Variants in SETD3 observed in about 807,000 individuals in gnomAD.
SETD3 encodes SET domain containing 3, actin N3(tau)-histidine methyltransferase.
In SETD3, 19 loss-of-function variants were observed where a neutral mutation model predicts 63.0. That is an observed-to-expected ratio of 0.30 (90% CI 0.21 to 0.44). SETD3 has a LOEUF of 0.44. Ranked by LOEUF, SETD3 falls within the 20% of genes least tolerant of loss-of-function variation. The pLI is 1.00. For synonymous variants in SETD3, 286 were observed against 264.1 expected (o/e 1.08, Z -0.80); for missense variants, 587 against 728.5 (o/e 0.81, Z 2.24).
intron 5 of SETD3, 107 bp downstream of exon 5, chr14:99,459,006 T>C (rs939357795): frequency 1.1e-5 from 8 of 715,910 alleles, no homozygotes; most frequent in Non-Finnish European, 1.6e-5. Context: ...TGAGGGAATA[T>C]TTCGCCAGTC....
At chr14:99,442,211 T>C (rs929624766) in intron 6 of SETD3, among the ~76,000 whole-genome samples, 1 of 152,198 alleles carries the variant, frequency 6.6e-6, no homozygotes. Flanking sequence ...AAAGTAATCA[T>C]ACCTTCTCAT....
At position 99,398,753 on chromosome 14, in the gene SETD3, T is replaced by C. The variant is rs773674335; in HGVS notation, c.1711A>G (p.Asn571Asp). The C allele has an allele frequency of 6.8e-6, 11 of 1,614,114 alleles. No individual in the cohort carries two copies. The highest frequency in any genetic ancestry group is 1.1e-5 in the South Asian group (1 of 91,090). The change falls in exon 13 of 13, where the codon AAT (asparagine) becomes GAT (aspartate). Residue 571 changes from asparagine (N) to aspartate (D), a missense_variant. Asn to Asp is a conservative substitution (Grantham distance 23). Coordinates refer to ENST00000331768, the MANE Select transcript of SETD3 (RefSeq NM_032233.3). The part of the protein sequence containing the change: ...NGTRSENESL[N>D]QESKRAVEDA... ...TCAACTGCTCTTTTACTTTCTTGAT[T>C]GAGACTTTCATTTTCGGACCTGGTC...
At chr14:99,481,290 G>C (rs950960156), upstream of SETD3, 120 of 395,014 alleles carry the variant, frequency 3.0e-4, no homozygotes, top group Non-Finnish European at 4.6e-4. Flanking sequence ...GGAGAGCGGC[G>C]GCTCGTTCCT....
chr14:99,439,608 A>G (rs1893675706), intron 6 of SETD3, among the ~76,000 whole-genome samples: 2 of 148,086 alleles, frequency 1.4e-5, no homozygotes, highest in South Asian at 4.2e-4. Flanking sequence ...ATATCTATGT[A>G]TTAAATATAT....
intron 6 of SETD3, among the ~76,000 whole-genome samples, chr14:99,423,128 T>A (rs1196311457): frequency 6.6e-6 from 1 of 152,202 alleles, no homozygotes; most frequent in Non-Finnish European, 1.5e-5. Context: ...AAATTACTGT[T>A]CTCACCTACA....
At chr14:99,431,525 CTT>C (rs1893179433) in intron 6 of SETD3, among the ~76,000 whole-genome samples, 4 of 151,636 alleles carry the variant, frequency 2.6e-5, no homozygotes, top group Non-Finnish European at 5.9e-5. Flanking sequence ...GAGTTTTGCT[CTT>C]GTTGCCCAGG....
chr14:99,425,323 G>A (rs1892822091), intron 6 of SETD3, among the ~76,000 whole-genome samples: 1 of 152,230 alleles, frequency 6.6e-6, no homozygotes, highest in Non-Finnish European at 1.5e-5. Flanking sequence ...CTCTCCTAGA[G>A]TAGGAGCCAC....
chr14:99,431,031 G>A, intron 6 of SETD3, among the ~76,000 whole-genome samples: 1 of 152,138 alleles, frequency 6.6e-6, no homozygotes, highest in East Asian at 1.9e-4. Flanking sequence ...ACCACACAGT[G>A]GCCATCACTC....
intron 6 of SETD3, among the ~76,000 whole-genome samples, chr14:99,445,671 C>T (rs1343610686): frequency 4.6e-5 from 7 of 152,168 alleles, no homozygotes; most frequent in African/African-American, 1.2e-4. Context: ...AATATATCAA[C>T]GAATGTGAGT....
chr14:99,466,108 C>T (rs1895357876), intron 1 of SETD3, among the ~76,000 whole-genome samples: 2 of 152,024 alleles, frequency 1.3e-5, no homozygotes, highest in Admixed American at 6.5e-5. Flanking sequence ...ATAGATTTCA[C>T]TGTGCAGACT....
At chr14:99,450,815 A>G (rs1420998983) in intron 6 of SETD3, among the ~76,000 whole-genome samples, 3 of 152,232 alleles carry the variant, frequency 2.0e-5, no homozygotes, top group South Asian at 2.1e-4. Flanking sequence ...AGTAGTAATA[A>G]ATTTAATAGA....
chr14:99,410,153 G>A (rs375255825), intron 8 of SETD3: 1 of 1,578,338 alleles, frequency 6.3e-7, no homozygotes, highest in South Asian at 1.1e-5. Flanking sequence ...AGTCCCGTAA[G>A]TGCCTAAGGA....
At chr14:99,399,741 A>T (rs915034593) in intron 12 of SETD3, among the ~76,000 whole-genome samples, 7 of 127,728 alleles carry the variant, frequency 5.5e-5, no homozygotes, top group Non-Finnish European at 1.1e-4. Flanking sequence ...CTTTCATTAA[A>T]TTTTTTTTTT....
At chr14:99,483,589 T>TA (rs1452873381), upstream of SETD3, among the ~76,000 whole-genome samples, 3 of 152,208 alleles carry the variant, frequency 2.0e-5, no homozygotes, top group East Asian at 5.8e-4. Flanking sequence ...TTCCTTTTGT[T>TA]ACAGTTTACT....
intron 1 of SETD3, among the ~76,000 whole-genome samples, chr14:99,471,924 C>A (rs188048661): frequency 2.0e-5 from 3 of 152,090 alleles, no homozygotes; most frequent in Non-Finnish European, 4.4e-5. Context: ...CCACTGAGGC[C>A]GGCAGTGACC....
intron 8 of SETD3, chr14:99,412,260 C>G (rs1301384847): frequency 1.3e-5 from 2 of 152,696 alleles, no homozygotes; most frequent in African/African-American, 4.8e-5. Flanking sequence ...TGTGGAGAAA[C>G]AGAGCCTGCC....
At chr14:99,443,519 T>TG (rs1893958220) in intron 6 of SETD3, among the ~76,000 whole-genome samples, 1 of 152,230 alleles carries the variant, frequency 6.6e-6, no homozygotes, top group Non-Finnish European at 1.5e-5. Flanking sequence ...CCCAAAGTGC[T>TG]GGGATTACAG....
intron 11 of SETD3, among the ~76,000 whole-genome samples, 183 bp downstream of exon 11, chr14:99,404,042 T>G (rs1438290248): frequency 1.3e-5 from 2 of 152,254 alleles, no homozygotes; most frequent in Non-Finnish European, 2.9e-5. Context: ...ACATCGAGGA[T>G]TTAATAAAAC....
At chr14:99,406,255 A>G (rs1177530336) in intron 9 of SETD3, among the ~76,000 whole-genome samples, 1 of 152,236 alleles carries the variant, frequency 6.6e-6, no homozygotes, top group Non-Finnish European at 1.5e-5. Flanking sequence ...ATTTACAAAT[A>G]TTAGGCCAAT....
Sources: gnomAD v4.1 joint callset for allele counts (sites outside exome capture counted in the v4.1 genomes callset) on GRCh38, gnomAD v4.1.1 for gene constraint, MANE v1.5 for transcripts, NCBI Gene and HGNC (gene_info 2026-07-23, HGNC 2026-07-21) for gene names.